PLXNA2: variants seen among roughly 807,000 people sequenced by gnomAD.
PLXNA2 encodes plexin-A2.
A neutral mutation model predicts 193.5 loss-of-function variants in PLXNA2; 91 were observed. The ratio of observed to expected loss-of-function variants is 0.47; its 90% confidence interval spans 0.40 to 0.56. The LOEUF (loss-of-function observed/expected upper bound fraction) is 0.56, where lower values mean the gene tolerates loss of function less well. PLXNA2 is among the 20% of genes least tolerant of loss of function. The pLI, the probability that PLXNA2 is intolerant of heterozygous loss-of-function variation, is 0.00. For synonymous variants in PLXNA2, 997 were observed against 1,027.3 expected (o/e 0.97, Z 0.56); for missense variants, 1,995 against 2,503.2 (o/e 0.80, Z 4.33).
intron 3 of PLXNA2, among the ~76,000 whole-genome samples, chr1:208,181,602 G>A (rs1669844863): frequency 6.6e-6 from 1 of 152,204 alleles, no homozygotes; most frequent in Non-Finnish European, 1.5e-5. Context: ...AGACAGCCCA[G>A]TAATTTAGGG....
intron 29 of PLXNA2, chr1:208,031,013 A>G: frequency 1.0e-6 from 1 of 987,494 alleles, no homozygotes; most frequent in Middle Eastern, 5.2e-4. Context: ...CCTGAAAGCT[A>G]TGGCGCCAGG....
chr1:208,164,732 G>A (rs759053951), intron 3 of PLXNA2, among the ~76,000 whole-genome samples: 5 of 152,170 alleles, frequency 3.3e-5, no homozygotes, highest in East Asian at 1.9e-4. Flanking sequence ...AGCCCTCCTC[G>A]CCTTCAGATC....
At chr1:208,098,766 G>C (rs1321789201) in intron 6 of PLXNA2, 80 bp downstream of exon 6, 3 of 1,488,208 alleles carry the variant, frequency 2.0e-6, no homozygotes, top group Non-Finnish European at 1.8e-6. Context: ...ACAGATACTT[G>C]TGCAAGCGTG....
At chr1:208,179,120 G>C (rs966217696) in intron 3 of PLXNA2, among the ~76,000 whole-genome samples, 1 of 152,216 alleles carries the variant, frequency 6.6e-6, no homozygotes, top group Non-Finnish European at 1.5e-5. Context: ...CAGAGGCCCT[G>C]TGGGTGGTTA....
intron 13 of PLXNA2, among the ~76,000 whole-genome samples, chr1:208,058,761 C>T (rs1326014702): frequency 6.6e-6 from 1 of 152,342 alleles, no homozygotes; most frequent in African/African-American, 2.4e-5. Context: ...TCTCTCGACA[C>T]TTTCTTCCCC....
chr1:208,090,374 C>G (rs1027277079), intron 9 of PLXNA2, among the ~76,000 whole-genome samples: 1 of 152,160 alleles, frequency 6.6e-6, no homozygotes, highest in Non-Finnish European at 1.5e-5. Flanking sequence ...GAGTTTGCCC[C>G]TAGGTCCCTT....
rs1664227211 is a variant in PLXNA2, at chr1:208,022,903, A to G, written c.*4340T>C. Reference sequence around the variant, plus strand: ...TATTGGGTGGAGGCCCTGTATGCCAAGCAGTGGCTGTGATCGTGTCTCAGG... The same window carrying G: ...TATTGGGTGGAGGCCCTGTATGCCAGGCAGTGGCTGTGATCGTGTCTCAGG... On this transcript the variant is annotated 3_prime_UTR_variant, in exon 32 of 32. Transcript: ENST00000367033. The G allele has an allele frequency of 6.6e-6, 1 of 152,226 alleles. No individual in the cohort carries two copies. The highest frequency in any genetic ancestry group is 6.5e-5 in the Admixed American group (1 of 15,284). The allele number at this position is 152,226 out of a possible 1,614,324, so 9.4% of individuals were successfully genotyped here.
Position 208,142,439 on chromosome 1 carries a change from C to CA in PLXNA2, c.1395dup (p.Gly466TrpfsTer26). On this transcript the variant is annotated frameshift_variant, in exon 4 of 32. Coordinates refer to ENST00000367033, the MANE Select transcript of PLXNA2 (RefSeq NM_025179.4). LOFTEE classifies it high-confidence loss of function. ...GAGACCATCTCGTACTGGACCCCAC[C>CA]ATGGGGGGGACCGTCGGCCCGAATC... The CA allele has an allele frequency of 6.2e-7, 1 of 1,611,668 alleles. No individual in the cohort carries two copies. Among genetic ancestry groups the CA allele is most frequent in the Non-Finnish European group, 8.5e-7 (1 of 1,179,268 alleles).
chr1:208,194,767 T>C (rs1418900369), intron 3 of PLXNA2, among the ~76,000 whole-genome samples: 2 of 152,348 alleles, frequency 1.3e-5, no homozygotes, highest in African/African-American at 4.8e-5. Context: ...TCTTTGCTTT[T>C]GAATGCTGTT....
intron 12 of PLXNA2, among the ~76,000 whole-genome samples, chr1:208,073,532 T>C (rs1178833404): frequency 6.6e-6 from 1 of 152,218 alleles, no homozygotes; most frequent in Non-Finnish European, 1.5e-5. Flanking sequence ...AGTCATTAAT[T>C]AAATATTCAT....
At chr1:208,029,720 T>G (rs1664444337) in intron 29 of PLXNA2, 1 of 985,976 alleles carries the variant, frequency 1.0e-6, no homozygotes, top group Non-Finnish European at 1.2e-6. Context: ...GAGGAACCGA[T>G]CAGTAGTTAG....
intron 14 of PLXNA2, among the ~76,000 whole-genome samples, chr1:208,053,478 A>T (rs1665327783): frequency 6.6e-6 from 1 of 152,234 alleles, no homozygotes; most frequent in African/African-American, 2.4e-5. Flanking sequence ...GTCCAGTCTG[A>T]GAGAGGAGAG....
intron 4 of PLXNA2, among the ~76,000 whole-genome samples, chr1:208,116,089 T>A (rs574554021): frequency 6.6e-6 from 1 of 152,300 alleles, no homozygotes; most frequent in Admixed American, 6.5e-5. Context: ...CTTTGTGTAG[T>A]CCTGCCTCCA....
chr1:208,199,959 G>A (rs1670488146), intron 3 of PLXNA2, among the ~76,000 whole-genome samples: 1 of 152,242 alleles, frequency 6.6e-6, no homozygotes, highest in South Asian at 2.1e-4. Context: ...GAACACTCTT[G>A]ATCTTGCTTG....
At chr1:208,178,918 A>G (rs1018523761) in intron 3 of PLXNA2, among the ~76,000 whole-genome samples, 2 of 152,230 alleles carry the variant, frequency 1.3e-5, no homozygotes, top group African/African-American at 4.8e-5. Context: ...ATGCAAGCTT[A>G]AGTTTGAGAA....
intron 12 of PLXNA2, among the ~76,000 whole-genome samples, chr1:208,078,232 A>G (rs1295688652): frequency 6.6e-6 from 1 of 152,204 alleles, no homozygotes; most frequent in Non-Finnish European, 1.5e-5. Flanking sequence ...CATTAAATAA[A>G]TAATTTCTAC....
At position 208,236,611 on chromosome 1, in the gene PLXNA2, G is replaced by A. The variant is rs1451774204; in HGVS notation, c.-81+7032C>T. 1.3e-5 allele frequency among the ~76,000 whole-genome samples: 2 copies of A among 152,184 alleles called. No homozygotes were observed. Among genetic ancestry groups the A allele is most frequent in the African/African-American group, 4.8e-5 (2 of 41,444 alleles). ...AGAGCAATCACAATCCATAGGCTCC[G>A]CTGACATTCTGAGCTGTCCCTGGCG... On this transcript the variant is annotated intron_variant, in intron 1 of 31. Coordinates refer to ENST00000367033, the MANE Select transcript of PLXNA2 (RefSeq NM_025179.4). The surrounding 1 kb of genome is among the most constrained non-coding windows in gnomAD (Gnocchi z 4.4).
Position 208,029,059 on chromosome 1 carries a change from A to G in PLXNA2, c.5226-17T>C. ...AGAGGGAGGCTGTGGGGAAAGGCAG[A>G]GAAGACTTGAGAATGCATGCGGGCC... On this transcript the variant is annotated splice_polypyrimidine_tract_variant and intron_variant, in intron 29 of 31. Coordinates refer to ENST00000367033, the MANE Select transcript of PLXNA2 (RefSeq NM_025179.4). The G allele has an allele frequency of 6.2e-7, 1 of 1,609,010 alleles. No homozygotes were observed. The highest frequency in any genetic ancestry group is 8.5e-7 in the Non-Finnish European group (1 of 1,175,252).
chr1:208,106,191 C>T (rs1037851712), intron 4 of PLXNA2, among the ~76,000 whole-genome samples: 8 of 151,982 alleles, frequency 5.3e-5, no homozygotes, highest in Non-Finnish European at 1.0e-4. Flanking sequence ...GATGTAACAG[C>T]CACACACAAA....
Sources: allele counts gnomAD v4.1 joint callset (sites outside exome capture counted in the v4.1 genomes callset), GRCh38; gene constraint gnomAD v4.1.1; non-coding constraint Gnocchi (gnomAD v3.1); transcripts MANE v1.5; gene names NCBI Gene and HGNC (gene_info 2026-07-23, HGNC 2026-07-21).